Variants in DLL3 observed in about 807,000 individuals in gnomAD.
DLL3 encodes the protein delta like canonical Notch ligand 3.
Under a neutral mutation model 55.0 loss-of-function variants are expected in DLL3, and 49 were observed. The observed-to-expected ratio is 0.89, with a 90% CI of 0.71 to 1.13. DLL3 has a LOEUF of 1.13. DLL3 is among the 50% of genes most tolerant of loss of function. The pLI is 0.00. For missense variants in DLL3, 962 were observed against 875.5 expected, an observed-to-expected ratio of 1.10 and a Z score of -1.25; for synonymous variants, 421 against 385.2, an observed-to-expected ratio of 1.09 and a Z score of -1.09.
intron 5 of DLL3, among the ~76,000 whole-genome samples, chr19:39,504,783 G>T (rs1225054049): frequency 6.6e-6 from 1 of 152,064 alleles, no homozygotes; most frequent in African/African-American, 2.4e-5. Flanking sequence ...GGCATGGAGT[G>T]CTGGGATAGA....
At position 39,508,432 on chromosome 19, in the gene DLL3, C is replaced by G; in HGVS notation, c.*175C>G. The stretch of plus-strand genomic sequence containing the variant: ...TATATCCTATTTTTTCTCACCCCAT[C>G]TCTCTAGAAACACCTATAAAGGCTA... On this transcript the variant is annotated 3_prime_UTR_variant, in exon 9 of 9. Transcript: ENST00000356433. The G allele has an allele frequency of 1.4e-6, 1 of 730,844 alleles. No individual in the cohort carries two copies. Among genetic ancestry groups the G allele is most frequent in the Non-Finnish European group, 2.3e-6 (1 of 427,572 alleles). The allele number at this position is 730,844 out of a possible 1,614,324, so 45.3% of individuals were successfully genotyped here. A position where few individuals can be genotyped will look rare whatever the true frequency, so the allele number is the denominator to read the frequency against.
At chr19:39,505,567 C>A in intron 6 of DLL3, 116 bp downstream of exon 6, 1 of 1,092,440 alleles carries the variant, frequency 9.2e-7, no homozygotes, top group Non-Finnish European at 1.3e-6. Flanking sequence ...GGGGACCTGA[C>A]CTTCCACCTG....
At chr19:39,508,188 AG>A in intron 8 of DLL3, 63 bp from the exon 9 acceptor site, 9 of 1,614,100 alleles carry the variant, frequency 5.6e-6, no homozygotes, top group Non-Finnish European at 6.8e-6. Context: ...GATTGTACTC[AG>A]CGGGGAGGCA....
intron 5 of DLL3, among the ~76,000 whole-genome samples, chr19:39,504,564 G>A (rs1387327189): frequency 6.6e-6 from 1 of 152,196 alleles, no homozygotes; most frequent in African/African-American, 2.4e-5. Context: ...CCCCTACTGC[G>A]GGACTGAGAA....
rs2079592980 is a variant in DLL3, at chr19:39,499,016, G to T, written c.42G>T (p.Val14=). ...PRMSGLLSQT[V]ILALIFLPQT... is the part of the protein sequence containing the mutation. ...TGTCCGGGCTCCTCTCCCAGACTGT[G>T]ATCCTAGCGCTCATTTTCCTCCCCC... is the stretch of plus-strand genomic sequence containing the variant. The change falls in exon 1 of 9, where the codon GTG becomes GTT. Residue 14 remains valine (V), a synonymous_variant. Transcript: ENST00000356433. The T allele has an allele frequency of 6.2e-7, 1 of 1,614,016 alleles. No individual in the cohort carries two copies.
In DLL3 at chr19:39,507,822, T is replaced by TC. The variant is rs769073913; in HGVS notation, c.1674-5dup. 1 of 1,614,060 alleles carries TC rather than the reference T, an allele frequency of 6.2e-7. No individual in the cohort carries two copies. The highest frequency in any genetic ancestry group is 8.5e-7 in the Non-Finnish European group (1 of 1,179,992). ...GTCTGAGTTTTTCTTCTTTCTCTCC[T>TC]CCCACAGCTCGTCCGTAGATTGGAA... On this transcript the variant is annotated splice_region_variant and splice_polypyrimidine_tract_variant and intron_variant, in intron 7 of 8. Coordinates refer to ENST00000356433, the MANE Select transcript of DLL3 (RefSeq NM_203486.3).
In DLL3 at chr19:39,504,060, G is replaced by T; in HGVS notation, c.653-11G>T. 1 of 1,612,988 alleles carries T rather than the reference G, an allele frequency of 6.2e-7. No individual in the cohort carries two copies. ...GTGTTCCCTTTCTCTCTGCCTCTCT[G>T]TCCCCCATAGTGGTGTGCCGAGCAG... is the stretch of plus-strand genomic sequence containing the variant. On this transcript the variant is annotated splice_polypyrimidine_tract_variant and intron_variant, in intron 4 of 8. Coordinates refer to ENST00000356433, the MANE Select transcript of DLL3 (RefSeq NM_203486.3).
rs984735897 is a variant in DLL3 at position 39,507,754 on chromosome 19, C to T, written c.1674-76C>T. 11 of 1,610,852 alleles carry T rather than the reference C, an allele frequency of 6.8e-6. No homozygotes were observed. The East Asian group carries it at 2.0e-4, about 29-fold the overall frequency. ...CCCCGGTAGCTGGTTTTGGGTTCCC[C>T]TTTGTGATGGGTAGGGGAAAACAAG... On this transcript the variant is annotated intron_variant, in intron 7 of 8. Transcript: ENST00000356433.
In DLL3 at chr19:39,504,015, C is replaced by G; in HGVS notation, c.653-56C>G. 3 of 1,566,532 alleles carry G rather than the reference C, an allele frequency of 1.9e-6. 1 individual carries two copies. Among genetic ancestry groups the G allele is most frequent in the Middle Eastern group, 3.6e-4 (2 of 5,610 alleles). On this transcript the variant is annotated intron_variant, in intron 4 of 8. Coordinates refer to ENST00000356433, the MANE Select transcript of DLL3 (RefSeq NM_203486.3). ...AAACCTCCCTGCTTTCCATCTTGTC[C>G]CTGGCCCTCCCCGACGTTGGTGTTC... is the stretch of plus-strand genomic sequence containing the variant.
At chr19:39,499,927 C>G (rs957345827) in intron 2 of DLL3, among the ~76,000 whole-genome samples, 1 of 151,142 alleles carries the variant, frequency 6.6e-6, no homozygotes, top group Non-Finnish European at 1.5e-5. Context: ...CTCCAAAATC[C>G]TGTCTCCCAC....
At chr19:39,501,478 A>AC (rs1568448728) in intron 3 of DLL3, among the ~76,000 whole-genome samples, 2 of 150,638 alleles carry the variant, frequency 1.3e-5, no homozygotes, top group East Asian at 4.0e-4. Flanking sequence ...TTTTGTCACC[A>AC]TTTTTTTTCT....
chr19:39,502,689 C>A (rs911024800), intron 3 of DLL3, 126 bp from the exon 4 acceptor site: 2 of 1,210,896 alleles, frequency 1.7e-6, no homozygotes, highest in African/African-American at 3.2e-5. Context: ...GTCCAAGGAC[C>A]CCAGGGCTCC....
chr19:39,507,679 G>GA (rs2079652714), intron 7 of DLL3, 61 bp downstream of exon 7: 14 of 1,587,272 alleles, frequency 8.8e-6, no homozygotes, highest in Non-Finnish European at 1.2e-5. Context: ...CCATCTCCGT[G>GA]GTGCAGTTGG....
chr19:39,501,643 A>T (rs2079610083), intron 3 of DLL3, among the ~76,000 whole-genome samples: 1 of 152,142 alleles, frequency 6.6e-6, no homozygotes, highest in African/African-American at 2.4e-5. Context: ...AAGCTGTGTC[A>T]CAATCTTGGG....
chr19:39,505,379 T>C lies in DLL3; in HGVS notation c.1021T>C (p.Cys341Arg). Residue 341 changes from cysteine (C) to arginine (R), a missense_variant, in exon 6 of 9, where the codon TGC (cysteine) becomes CGC (arginine). By Grantham distance (180) the Cys-to-Arg change is radical. Transcript: ENST00000356433. Reference sequence around the variant, plus strand: ...CCCTGACTCTGCCTACATCTGCCACTGCCCACCCGGTTTCCAAGGCTCCAA... The same window carrying C: ...CCCTGACTCTGCCTACATCTGCCACCGCCCACCCGGTTTCCAAGGCTCCAA... ...ADPDSAYICH[C>R]PPGFQGSNCE... 1 of 1,614,118 alleles carries C rather than the reference T, an allele frequency of 6.2e-7. No individual in the cohort carries two copies. The highest frequency in any genetic ancestry group is 8.5e-7 in the Non-Finnish European group (1 of 1,180,014).
chr19:39,507,314 C>A lies in DLL3; in HGVS notation c.1369C>A (p.Pro457Thr). 6.4e-7 allele frequency: 1 copy of A among 1,561,860 alleles called. No individual in the cohort carries two copies. The highest frequency in any genetic ancestry group is 1.2e-5 in the South Asian group (1 of 86,498). The change falls in exon 7 of 9, where the codon CCC becomes ACC. Residue 457 changes from proline (P) to threonine (T), a missense_variant. Physicochemically the swap from Pro to Thr is conservative, Grantham distance 38. Coordinates refer to ENST00000356433, the MANE Select transcript of DLL3 (RefSeq NM_203486.3). ...HFSGLVCACA[P>T]GYMGARCEFP... ...CTCCGGCCTCGTCTGCGCTTGCGCTCCCGGCTACATGGGAGCGCGGTGTGA... is the reference window on the plus strand; with the variant it reads ...CTCCGGCCTCGTCTGCGCTTGCGCTACCGGCTACATGGGAGCGCGGTGTGA...
chr19:39,505,675 G>T, intron 6 of DLL3: 1 of 562,668 alleles, frequency 1.8e-6, no homozygotes, highest in Non-Finnish European at 3.2e-6. Context: ...AGGCACTGAG[G>T]ATACAGCAGG....
intron 8 of DLL3, 104 bp from the exon 9 acceptor site, chr19:39,508,148 C>T: frequency 6.2e-7 from 1 of 1,613,880 alleles, no homozygotes; most frequent in Non-Finnish European, 8.5e-7. Flanking sequence ...GAGGAGGTCA[C>T]GATGCCGACT....
In DLL3 at chr19:39,499,893, G is replaced by A. The variant is rs549275660; in HGVS notation, c.351+420G>A. Among the ~76,000 whole-genome samples, 3 of 148,302 alleles carry A rather than the reference G, an allele frequency of 2.0e-5. No homozygotes were observed. The South Asian group carries it at 6.4e-4, about 32-fold the overall frequency. ...TTCTGTCCTCAGTTCTTTCAGTTGG[G>A]TCCTGTATTAATTACTCTTTCACCT... is the stretch of plus-strand genomic sequence containing the variant. On this transcript the variant is annotated intron_variant, in intron 2 of 8. Transcript: ENST00000356433.
Sources: allele counts gnomAD v4.1 joint callset (sites outside exome capture counted in the v4.1 genomes callset), GRCh38; gene constraint gnomAD v4.1.1; transcripts MANE v1.5; gene names NCBI Gene and HGNC (gene_info 2026-07-23, HGNC 2026-07-21).